The following CDH11 variants were observed in gnomAD, a reference collection of about 807,000 sequenced individuals.
CDH11 encodes the protein cadherin 11.
Under a neutral mutation model 67.8 loss-of-function variants are expected in CDH11, and 11 were observed. That is an observed-to-expected ratio of 0.16 (90% CI 0.10 to 0.27). CDH11 has a LOEUF of 0.27. Ranked by LOEUF, CDH11 falls within the 10% of genes least tolerant of loss-of-function variation. The probability of loss-of-function intolerance (pLI) is 1.00; values close to 1 mark genes in which losing one functional copy is unlikely to be tolerated. For synonymous variants in CDH11, 419 were observed against 400.0 expected (o/e 1.05, Z -0.57); for missense variants, 847 against 1,031.2 (o/e 0.82, Z 2.45).
intron 2 of CDH11, among the ~76,000 whole-genome samples, chr16:65,014,624 G>T (rs2073257887): frequency 6.6e-6 from 1 of 151,982 alleles, no homozygotes; most frequent in South Asian, 2.1e-4. Flanking sequence ...CTTTCTGGAG[G>T]CATTGCAATA....
At chr16:65,095,378 T>C (rs187133415) in intron 1 of CDH11, among the ~76,000 whole-genome samples, 2 of 152,274 alleles carry the variant, frequency 1.3e-5, no homozygotes, top group Non-Finnish European at 2.9e-5. Context: ...TACTCCACCA[T>C]CTAAAGTAAC....
At chr16:64,968,162 C>T (rs997614791) in intron 11 of CDH11, among the ~76,000 whole-genome samples, 11 of 152,208 alleles carry the variant, frequency 7.2e-5, no homozygotes, top group African/African-American at 2.6e-4. Flanking sequence ...TGCTGTGTGA[C>T]CTTGGGCAAA....
intron 11 of CDH11, among the ~76,000 whole-genome samples, chr16:64,959,243 G>A (rs1032794440): frequency 1.3e-5 from 2 of 152,186 alleles, no homozygotes; most frequent in Admixed American, 1.3e-4. Context: ...ATGTGTGTAT[G>A]AGATATCGAA....
At chr16:64,964,952 T>A (rs1021864434) in intron 11 of CDH11, among the ~76,000 whole-genome samples, 4 of 152,060 alleles carry the variant, frequency 2.6e-5, no homozygotes, top group African/African-American at 9.7e-5. Flanking sequence ...AACGTGCAGG[T>A]TTGTTACATA....
chr16:64,948,727 C>G (rs1156982135), intron 12 of CDH11: 8 of 1,603,344 alleles, frequency 5.0e-6, no homozygotes, highest in Non-Finnish European at 6.8e-6. Flanking sequence ...CAGCTGGAAG[C>G]CCAGATAAAG....
intron 1 of CDH11, among the ~76,000 whole-genome samples, chr16:65,064,839 A>G (rs1482719994): frequency 2.6e-5 from 4 of 152,196 alleles, no homozygotes; most frequent in Non-Finnish European, 5.9e-5. Flanking sequence ...GTAAATAACA[A>G]TGTGATTGTA....
intron 12 of CDH11, 49 bp from the exon 13 acceptor site, chr16:64,948,148 T>G: frequency 6.4e-7 from 1 of 1,565,406 alleles, no homozygotes. Context: ...CCAGTATTCC[T>G]GGGTTCTTCT....
intron 1 of CDH11, among the ~76,000 whole-genome samples, chr16:65,069,058 C>T (rs558406601): frequency 1.1e-4 from 17 of 152,238 alleles, no homozygotes; most frequent in Admixed American, 3.9e-4. Context: ...CAATTCTTTG[C>T]GTAATCTCAT....
chr16:65,081,403 C>G (rs1179249978), intron 1 of CDH11, among the ~76,000 whole-genome samples: 2 of 152,024 alleles, frequency 1.3e-5, no homozygotes, highest in Non-Finnish European at 2.9e-5. Flanking sequence ...TCCCTCTCTA[C>G]CAAAAATACA....
chr16:64,999,580 C>G (rs943928387), intron 3 of CDH11, among the ~76,000 whole-genome samples: 2 of 152,054 alleles, frequency 1.3e-5, no homozygotes, highest in African/African-American at 4.8e-5. Flanking sequence ...GTTGCCCAGG[C>G]TGGAGCGCAA....
chr16:65,090,169 G>A (rs1358527481), intron 1 of CDH11, among the ~76,000 whole-genome samples: 1 of 151,920 alleles, frequency 6.6e-6, no homozygotes, highest in Admixed American at 6.6e-5. Flanking sequence ...TTTCTATTCT[G>A]AAAACTGACA....
At chr16:65,029,427 G>A (rs910623862) in intron 2 of CDH11, among the ~76,000 whole-genome samples, 1 of 152,274 alleles carries the variant, frequency 6.6e-6, no homozygotes, top group South Asian at 2.1e-4. Context: ...ACTTGGCTCT[G>A]AGACTGAACT....
At position 64,957,398 on chromosome 16, in the gene CDH11, C is replaced by T. The variant is rs143251766; in HGVS notation, c.1643-6380G>A. On this transcript the variant is annotated intron_variant, in intron 11 of 12. Transcript: ENST00000268603. ...TGCTGACCCAAATCTGCCTACTCTA[C>T]GTTTCTTCCCAAACCTCAGAGAGGA... Among the ~76,000 whole-genome samples, 798 of 152,162 alleles carry T rather than the reference C, an allele frequency of 5.2e-3. 4 individuals carry two copies. The highest frequency in any genetic ancestry group is 0.018 in the African/African-American group (757 of 41,508).
chr16:65,041,285 A>C (rs1288891791), intron 2 of CDH11, among the ~76,000 whole-genome samples: 1 of 151,992 alleles, frequency 6.6e-6, no homozygotes. Flanking sequence ...ATGGGTACCA[A>C]CTGATTGACC....
chr16:65,101,427 G>A (rs1320671144), intron 1 of CDH11, among the ~76,000 whole-genome samples: 1 of 152,194 alleles, frequency 6.6e-6, no homozygotes, highest in South Asian at 2.1e-4. Flanking sequence ...CAGGACAATT[G>A]TGGGGATTCC....
At chr16:65,024,272 T>C (rs1000449619) in intron 2 of CDH11, among the ~76,000 whole-genome samples, 1 of 152,186 alleles carries the variant, frequency 6.6e-6, no homozygotes, top group Non-Finnish European at 1.5e-5. Flanking sequence ...CAGGAGTCAA[T>C]AGAATATAAA....
At chr16:65,080,976 C>T (rs985235547) in intron 1 of CDH11, among the ~76,000 whole-genome samples, 4 of 152,264 alleles carry the variant, frequency 2.6e-5, no homozygotes, top group Admixed American at 2.0e-4. Flanking sequence ...TCAATAAATC[C>T]TTGCCAAATT....
At chr16:64,960,186 G>A (rs934442893) in intron 11 of CDH11, among the ~76,000 whole-genome samples, 2 of 152,146 alleles carry the variant, frequency 1.3e-5, no homozygotes, top group African/African-American at 4.8e-5. Flanking sequence ...AAGAATGCAA[G>A]GGCTGGGTGA....
At chr16:64,961,373 A>G (rs1362271333) in intron 11 of CDH11, among the ~76,000 whole-genome samples, 1 of 152,112 alleles carries the variant, frequency 6.6e-6, no homozygotes, top group Non-Finnish European at 1.5e-5. Flanking sequence ...TGACAGAAAA[A>G]CCTTCTGATA....
Sources: gnomAD v4.1 joint callset for allele counts (sites outside exome capture counted in the v4.1 genomes callset) on GRCh38, gnomAD v4.1.1 for gene constraint, MANE v1.5 for transcripts, NCBI Gene and HGNC (gene_info 2026-07-23, HGNC 2026-07-21) for gene names.